Variants in C1QTNF7 observed in about 807,000 individuals in gnomAD.
The protein encoded by C1QTNF7 is complement C1q tumor necrosis factor-related protein 7.
C1QTNF7 carries 15 observed loss-of-function variants against 19.6 expected under a neutral mutation model. The ratio of observed to expected loss-of-function variants is 0.76; its 90% CI spans 0.51 to 1.18. The LOEUF is 1.18. C1QTNF7 is among the 50% of genes most tolerant of loss of function. The pLI, the probability that C1QTNF7 is intolerant of heterozygous loss-of-function variation, is 0.00. For missense variants in C1QTNF7, 324 were observed against 359.7 expected, an observed-to-expected ratio of 0.90 and a Z score of 0.80; for synonymous variants, 142 against 137.5, an observed-to-expected ratio of 1.03 and a Z score of -0.23.
chr4:15,398,141 G>T (rs748324506), intron 1 of C1QTNF7, among the ~76,000 whole-genome samples: 1 of 152,126 alleles, frequency 6.6e-6, no homozygotes, highest in Non-Finnish European at 1.5e-5. Flanking sequence ...GTCAGTTGCT[G>T]TGTTTGGCTC....
At chr4:15,399,978 T>C (rs562978534) in intron 1 of C1QTNF7, among the ~76,000 whole-genome samples, 1 of 152,352 alleles carries the variant, frequency 6.6e-6, no homozygotes, top group South Asian at 2.1e-4. Context: ...TCAGAAAGTC[T>C]ATCCAATTTT....
At chr4:15,388,944 G>C (rs901459642) in intron 1 of C1QTNF7, among the ~76,000 whole-genome samples, 2 of 152,196 alleles carry the variant, frequency 1.3e-5, no homozygotes, top group Admixed American at 6.5e-5. Context: ...GAGGAGCAGG[G>C]AGGTCACCCA....
At chr4:15,380,474 A>C (rs1560348845) in intron 1 of C1QTNF7, among the ~76,000 whole-genome samples, 2 of 152,172 alleles carry the variant, frequency 1.3e-5, no homozygotes, top group African/African-American at 2.4e-5. Context: ...AGGAAAACAA[A>C]AGCCTTTTCC....
At chr4:15,362,953 A>G (rs555856027) in intron 1 of C1QTNF7, among the ~76,000 whole-genome samples, 2 of 152,332 alleles carry the variant, frequency 1.3e-5, no homozygotes, top group Admixed American at 6.5e-5. Flanking sequence ...GGAAAACTCA[A>G]ACCTGGAAAG....
Position 15,391,256 on chromosome 4 carries a change from C to T in C1QTNF7, c.14-44480C>T, listed in dbSNP as rs1718546339. On this transcript the variant is annotated intron_variant, in intron 1 of 2. Transcript: ENST00000295297. ...CTACACCCTAGTAGCTCAGCAATCC[C>T]AGTAGAGAAGACTCCTGGACTCCCA... Among the ~76,000 whole-genome samples the T allele has an allele frequency of 3.3e-5, 5 of 152,014 alleles. No individual in the cohort carries two copies. In the South Asian group the frequency reaches 1.0e-3, roughly 32 times the overall value.
At chr4:15,433,691 G>A (rs1366962766) in intron 1 of C1QTNF7, among the ~76,000 whole-genome samples, 1 of 152,152 alleles carries the variant, frequency 6.6e-6, no homozygotes. Flanking sequence ...CATATCACCA[G>A]AAATCACAGG....
At chr4:15,374,834 T>C (rs1717870627) in intron 1 of C1QTNF7, 1 of 863,738 alleles carries the variant, frequency 1.2e-6, no homozygotes, top group African/African-American at 1.8e-5. Context: ...GAAAGGCGTC[T>C]TTTGGCTCAT....
chr4:15,418,037 G>T (rs562442193), intron 1 of C1QTNF7, among the ~76,000 whole-genome samples: 55 of 152,236 alleles, frequency 3.6e-4, no homozygotes, highest in African/African-American at 1.3e-3. Context: ...CAGAGAGAAG[G>T]TTCGTCAGGA....
At chr4:15,397,875 C>T (rs2108904994) in intron 1 of C1QTNF7, among the ~76,000 whole-genome samples, 1 of 152,290 alleles carries the variant, frequency 6.6e-6, no homozygotes, top group Admixed American at 6.5e-5. Flanking sequence ...ATGCTGGCGA[C>T]TACACAGTTC....
chr4:15,426,967 ACT>A (rs1218909598), upstream of C1QTNF7, among the ~76,000 whole-genome samples: 1 of 152,188 alleles, frequency 6.6e-6, no homozygotes, highest in Non-Finnish European at 1.5e-5. Context: ...TTAAAATCTG[ACT>A]CTAATTTAGC....
Position 15,442,191 on chromosome 4 carries a change from C to A in C1QTNF7, c.262C>A (p.Leu88Ile), listed in dbSNP as rs1328455070. ...TAGLRGKTGP[L>I]GLAGEKGDQG... ...AGGTTTGAGAGGTAAGACTGGACCG[C>A]TAGGTCTTGCCGGTGAGAAAGGGGA... Residue 88 changes from leucine to isoleucine, a missense_variant, in exon 3 of 3, where the codon CTA becomes ATA. Coordinates refer to ENST00000444304, the MANE Select transcript of C1QTNF7 (RefSeq NM_031911.5). The A allele has an allele frequency of 6.2e-7, 1 of 1,611,490 alleles. No individual in the cohort carries two copies. The highest frequency in any genetic ancestry group is 1.1e-5 in the South Asian group (1 of 90,612).
At position 15,443,953 on chromosome 4, in the gene C1QTNF7, G is replaced by A. The variant is rs1158979921; in HGVS notation, c.*1154G>A. On this transcript the variant is annotated 3_prime_UTR_variant, in exon 3 of 3. Transcript: ENST00000444304. ...AATGAACAGGAGAAGGAGGGAGAGAGCCAAATGTCTGAGTAAACAGATATC... is the reference window on the plus strand; with the variant it reads ...AATGAACAGGAGAAGGAGGGAGAGAACCAAATGTCTGAGTAAACAGATATC... 6.6e-6 allele frequency: 1 copy of A among 152,174 alleles called. No homozygotes were observed. Among genetic ancestry groups the A allele is most frequent in the East Asian group, 1.9e-4 (1 of 5,194 alleles). The allele number at this position is 152,174 out of a possible 1,614,324, so 9.4% of individuals were successfully genotyped here.
chr4:15,412,769 T>A lies in C1QTNF7; in HGVS notation c.14-22967T>A, dbSNP rs529355901. Among the ~76,000 whole-genome samples the A allele has an allele frequency of 8.5e-5, 13 of 152,276 alleles. No individual in the cohort carries two copies. The South Asian group carries it at 2.7e-3, about 32-fold the overall frequency. On this transcript the variant is annotated intron_variant, in intron 1 of 2. Transcript: ENST00000295297. ...AAAAGACAACTTGAAAAGACACAAG[T>A]GCATCTGCGTAACTACTTTTCTGGA... is the stretch of plus-strand genomic sequence containing the variant.
chr4:15,423,858 A>G (rs1293025458), upstream of C1QTNF7, among the ~76,000 whole-genome samples: 1 of 150,838 alleles, frequency 6.6e-6, no homozygotes, highest in Non-Finnish European at 1.5e-5. Flanking sequence ...TCCTTTAGGC[A>G]AGTTCTCTCT....
intron 1 of C1QTNF7, among the ~76,000 whole-genome samples, chr4:15,400,156 A>C (rs548410290): frequency 6.6e-6 from 1 of 152,376 alleles, no homozygotes; most frequent in East Asian, 1.9e-4. Flanking sequence ...GAATTCAGAG[A>C]TGCAAGGTTT....
upstream of C1QTNF7, among the ~76,000 whole-genome samples, chr4:15,424,337 A>C (rs1385535833): frequency 6.6e-6 from 1 of 152,204 alleles, no homozygotes; most frequent in Non-Finnish European, 1.5e-5. Context: ...AGAGAGTAGA[A>C]TAATCAGGAA....
rs1035347133 is a variant in C1QTNF7 at position 15,411,001 on chromosome 4, C to T, written c.14-24735C>T. Among the ~76,000 whole-genome samples, 9 of 152,108 alleles carry T rather than the reference C, an allele frequency of 5.9e-5. No individual in the cohort carries two copies. In the East Asian group the frequency reaches 7.7e-4, roughly 13 times the overall value. On this transcript the variant is annotated intron_variant, in intron 1 of 2. Coordinates refer to the C1QTNF7 transcript ENST00000295297. The stretch of plus-strand genomic sequence containing the variant: ...TCCAAATTGCATTTCCTGTTTCACA[C>T]GCGAACAGGAAGGAAAAGAAACTGC...
intron 1 of C1QTNF7, among the ~76,000 whole-genome samples, chr4:15,410,097 C>A (rs1240461253): frequency 6.6e-6 from 1 of 152,164 alleles, no homozygotes; most frequent in Non-Finnish European, 1.5e-5. Flanking sequence ...AGCCTTCCTG[C>A]CGTTAGCACT....
chr4:15,379,042 T>C (rs1470203011), intron 1 of C1QTNF7, among the ~76,000 whole-genome samples: 1 of 152,198 alleles, frequency 6.6e-6, no homozygotes, highest in Admixed American at 6.5e-5. Flanking sequence ...CTAGAATGAG[T>C]ATTTGGTGTG....
Sources: gnomAD v4.1 joint callset for allele counts (sites outside exome capture counted in the v4.1 genomes callset) on GRCh38, gnomAD v4.1.1 for gene constraint, MANE v1.5 for transcripts, NCBI Gene and HGNC (gene_info 2026-07-23, HGNC 2026-07-21) for gene names.